SPAG6: variants seen among roughly 807,000 people sequenced by gnomAD.
SPAG6 encodes sperm-associated antigen 6.
Under a neutral mutation model 58.5 loss-of-function variants are expected in SPAG6, and 49 were observed. That is an observed-to-expected ratio of 0.84 (90% CI 0.67 to 1.06). The LOEUF is 1.06. Ranked by LOEUF, SPAG6 falls within the 50% of genes least tolerant of loss-of-function variation. The pLI is 0.00. For missense variants in SPAG6, 560 were observed against 611.3 expected, an observed-to-expected ratio of 0.92 and a Z score of 0.89; for synonymous variants, 233 against 225.6, an observed-to-expected ratio of 1.03 and a Z score of -0.29.
chr10:22,389,439 T>C (rs2132084896), intron 7 of SPAG6, 127 bp downstream of exon 7: 2 of 947,742 alleles, frequency 2.1e-6, no homozygotes, highest in East Asian at 5.3e-5. Flanking sequence ...AAAAAAATTT[T>C]GATTGTTTCA....
chr10:22,366,643 A>G (rs1348847248), intron 3 of SPAG6, among the ~76,000 whole-genome samples: 1 of 152,184 alleles, frequency 6.6e-6, no homozygotes, highest in Non-Finnish European at 1.5e-5. Context: ...TGAGAGAGTC[A>G]CTTACTAATG....
At chr10:22,359,276 A>G (rs76281730) in intron 2 of SPAG6, 13 of 191,676 alleles carry the variant, frequency 6.8e-5, no homozygotes, top group Non-Finnish European at 3.8e-5. Flanking sequence ...TAGTAGTGTC[A>G]TAGTAAGTGG....
At chr10:22,349,190 G>T (rs11012958) in intron 2 of SPAG6, among the ~76,000 whole-genome samples, 8,043 of 151,854 alleles carry the variant, frequency 0.053, 710 homozygotes, top group African/African-American at 0.18. Flanking sequence ...TAGAAAGAAC[G>T]GTGTACAAAG....
At chr10:22,398,668 G>T (rs140042831) in intron 8 of SPAG6, among the ~76,000 whole-genome samples, 73 of 152,282 alleles carry the variant, frequency 4.8e-4, no homozygotes, top group African/African-American at 1.7e-3. Flanking sequence ...ATTTGAGGCT[G>T]CAGTGAGCTA....
At chr10:22,409,021 T>G (rs1834645742) in intron 9 of SPAG6, among the ~76,000 whole-genome samples, 1 of 152,168 alleles carries the variant, frequency 6.6e-6, no homozygotes, top group Admixed American at 6.5e-5. Context: ...CTGCGCCCAC[T>G]GTCTGGCACT....
chr10:22,347,640 A>C (rs903189534), intron 2 of SPAG6, among the ~76,000 whole-genome samples: 4 of 152,236 alleles, frequency 2.6e-5, no homozygotes. Context: ...TGTTTTAGTG[A>C]GTAGTGGCAG....
chr10:22,365,963 G>A (rs1446761611), intron 3 of SPAG6, among the ~76,000 whole-genome samples: 2 of 152,134 alleles, frequency 1.3e-5, no homozygotes, highest in Admixed American at 1.3e-4. Context: ...ATACATTGCT[G>A]GTAGGAATGT....
intron 3 of SPAG6, among the ~76,000 whole-genome samples, chr10:22,366,371 CA>C (rs1837202529): frequency 1.3e-5 from 2 of 152,090 alleles, no homozygotes; most frequent in Non-Finnish European, 2.9e-5. Flanking sequence ...TCCATAGAGA[CA>C]GAAGCAGATT....
At chr10:22,413,086 AAAG>A (rs1396336770) in intron 10 of SPAG6, 1 of 150,450 alleles carries the variant, frequency 6.6e-6, no homozygotes, top group African/African-American at 2.4e-5. Flanking sequence ...AAAAAAAAAA[AAAG>A]AACTAAAGTG....
At chr10:22,370,146 C>T (rs1833650021) in intron 4 of SPAG6, among the ~76,000 whole-genome samples, 1 of 152,000 alleles carries the variant, frequency 6.6e-6, no homozygotes. Context: ...ATTACAATTA[C>T]AATAATGTAA....
intron 9 of SPAG6, among the ~76,000 whole-genome samples, chr10:22,401,785 A>G (rs1403370355): frequency 2.0e-5 from 3 of 151,950 alleles, no homozygotes; most frequent in African/African-American, 7.2e-5. Flanking sequence ...ATTAAATGAT[A>G]GTAAATGGTA....
intron 2 of SPAG6, among the ~76,000 whole-genome samples, chr10:22,354,960 C>G (rs1836827229): frequency 6.6e-6 from 1 of 151,224 alleles, no homozygotes; most frequent in Admixed American, 6.6e-5. Flanking sequence ...CGCCACTGCA[C>G]TCCAGCCTGG....
intron 4 of SPAG6, among the ~76,000 whole-genome samples, chr10:22,385,357 A>G (rs554450017): frequency 5.9e-5 from 9 of 152,180 alleles, no homozygotes; most frequent in Non-Finnish European, 7.4e-5. Flanking sequence ...TCTGTTGGCT[A>G]TTGTCTTCTA....
intron 4 of SPAG6, among the ~76,000 whole-genome samples, chr10:22,380,326 C>T (rs1021298329): frequency 3.3e-5 from 5 of 151,982 alleles, no homozygotes; most frequent in African/African-American, 9.7e-5. Flanking sequence ...TGTTTTGAGA[C>T]AGGGTCTTGC....
chr10:22,387,936 T>C lies in SPAG6; in HGVS notation c.792T>C (p.Asp264=). The change falls in exon 6 of 11, where the codon GAT becomes GAC. Residue 264 remains aspartate, a synonymous_variant. Transcript: ENST00000376624. ...PVVLTCLKDK[D]EYVKKNASTL... is the part of the protein sequence containing the mutation. ...TACTTACCTGTCTGAAGGACAAGGA[T>C]GAATACGTGAAGAAAAATGCTTCTA... The C allele has an allele frequency of 6.2e-7, 1 of 1,613,076 alleles. No homozygotes were observed. Among genetic ancestry groups the C allele is most frequent in the Non-Finnish European group, 8.5e-7 (1 of 1,179,526 alleles).
At chr10:22,406,512 A>G (rs1588561500) in intron 9 of SPAG6, among the ~76,000 whole-genome samples, 1 of 152,142 alleles carries the variant, frequency 6.6e-6, no homozygotes, top group Non-Finnish European at 1.5e-5. Flanking sequence ...ACAGTTTGTT[A>G]TAATTTCTGT....
intron 2 of SPAG6, among the ~76,000 whole-genome samples, chr10:22,364,388 A>G (rs553462734): frequency 3.8e-4 from 58 of 152,348 alleles, no homozygotes; most frequent in African/African-American, 1.3e-3. Flanking sequence ...TTGGATGAAT[A>G]TGATGAGCAC....
At chr10:22,413,976 C>T (rs1374862005) in intron 10 of SPAG6, among the ~76,000 whole-genome samples, 1 of 152,058 alleles carries the variant, frequency 6.6e-6, no homozygotes, top group Non-Finnish European at 1.5e-5. Flanking sequence ...ATACTGCCTT[C>T]CGATTTAGTA....
At chr10:22,392,360 A>G (rs1588663488) in intron 8 of SPAG6, among the ~76,000 whole-genome samples, 1 of 152,224 alleles carries the variant, frequency 6.6e-6, no homozygotes, top group African/African-American at 2.4e-5. Flanking sequence ...TTCCAAGGTC[A>G]CCTGACCTTT....
Sources: allele counts gnomAD v4.1 joint callset (sites outside exome capture counted in the v4.1 genomes callset), GRCh38; gene constraint gnomAD v4.1.1; transcripts MANE v1.5; gene names NCBI Gene and HGNC (gene_info 2026-07-23, HGNC 2026-07-21).